The following ITGBL1 variants were observed in gnomAD, a reference collection of about 807,000 sequenced individuals.
The protein encoded by ITGBL1 is integrin subunit beta like 1.
ITGBL1 carries 51 observed loss-of-function variants against 68.5 expected under a neutral mutation model. That is an observed-to-expected ratio of 0.74 (90% CI 0.59 to 0.94). ITGBL1 has a LOEUF of 0.94. Ranked by LOEUF, ITGBL1 falls within the 40% of genes least tolerant of loss-of-function variation. The probability of loss-of-function intolerance (pLI) is 0.00; values close to 1 mark genes in which losing one functional copy is unlikely to be tolerated. For synonymous variants in ITGBL1, 209 were observed against 227.3 expected (o/e 0.92, Z 0.72); for missense variants, 649 against 647.4 (o/e 1.00, Z -0.03).
intron 9 of ITGBL1, chr13:101,713,177 C>T (rs2034555881): frequency 6.6e-6 from 1 of 152,102 alleles, no homozygotes; most frequent in African/African-American, 2.4e-5. Flanking sequence ...ATGCATATAC[C>T]AGTTTCCCTG....
intron 7 of ITGBL1, among the ~76,000 whole-genome samples, chr13:101,645,752 C>T (rs1382400655): frequency 6.6e-6 from 1 of 152,026 alleles, no homozygotes; most frequent in Non-Finnish European, 1.5e-5. Flanking sequence ...GGTTCATGCC[C>T]CGCAACTGCC....
intron 2 of ITGBL1, among the ~76,000 whole-genome samples, chr13:101,457,388 A>G (rs2048259035): frequency 6.6e-6 from 1 of 152,204 alleles, no homozygotes; most frequent in African/African-American, 2.4e-5. Flanking sequence ...TATTAGATAC[A>G]CTATGCCCTT....
downstream of ITGBL1, chr13:101,719,640 G>A (rs1348873159): frequency 6.6e-6 from 1 of 152,042 alleles, no homozygotes. Context: ...TTGAGGGACT[G>A]GCAAAGCAAT....
At chr13:101,462,699 C>T (rs893054441) in intron 2 of ITGBL1, among the ~76,000 whole-genome samples, 2 of 152,180 alleles carry the variant, frequency 1.3e-5, no homozygotes, top group Non-Finnish European at 2.9e-5. Context: ...ACTCCTGCCT[C>T]AGCCTCCTGA....
chr13:101,662,549 TG>T (rs1195108978), intron 7 of ITGBL1, among the ~76,000 whole-genome samples: 1 of 152,186 alleles, frequency 6.6e-6, no homozygotes, highest in African/African-American at 2.4e-5. Flanking sequence ...CACATACATT[TG>T]GTTGTTCTTA....
intron 7 of ITGBL1, among the ~76,000 whole-genome samples, chr13:101,599,292 T>A (rs2030200838): frequency 6.6e-6 from 1 of 152,030 alleles, no homozygotes; most frequent in South Asian, 2.1e-4. Flanking sequence ...TGTTTGTTTT[T>A]TTCTTGTAAA....
intron 2 of ITGBL1, among the ~76,000 whole-genome samples, chr13:101,518,175 C>T (rs1566712028): frequency 6.6e-6 from 1 of 152,132 alleles, no homozygotes; most frequent in African/African-American, 2.4e-5. Context: ...CCGATGTTTC[C>T]TCTTCTTTTT....
intron 2 of ITGBL1, among the ~76,000 whole-genome samples, chr13:101,486,460 A>G (rs7325543): frequency 0.24 from 36,472 of 151,948 alleles, 4,868 homozygotes; most frequent in East Asian, 0.48. Context: ...CCTGTTTCCC[A>G]AAACTATTGA....
At chr13:101,611,171 GCTCT>G (rs2031108435) in intron 7 of ITGBL1, among the ~76,000 whole-genome samples, 1 of 152,140 alleles carries the variant, frequency 6.6e-6, no homozygotes, top group Non-Finnish European at 1.5e-5. Flanking sequence ...TCTTTGCAGA[GCTCT>G]CTATGTCATA....
At chr13:101,545,649 CA>C (rs759379796) in intron 2 of ITGBL1, among the ~76,000 whole-genome samples, 4 of 151,960 alleles carry the variant, frequency 2.6e-5, no homozygotes, top group Non-Finnish European at 4.4e-5. Flanking sequence ...TTAGTGCATT[CA>C]AAAGATAAGG....
At position 101,715,960 on chromosome 13, in the gene ITGBL1, G is replaced by T; in HGVS notation, c.*306G>T. 3.2e-6 allele frequency: 1 copy of T among 311,636 alleles called. No homozygotes were observed. Among genetic ancestry groups the T allele is most frequent in the South Asian group, 3.3e-5 (1 of 30,002 alleles). The allele number at this position is 311,636 out of a possible 1,614,324, so 19.3% of individuals were successfully genotyped here. A position where few individuals can be genotyped will look rare whatever the true frequency, so the allele number is the denominator to read the frequency against. ...ACAATTTTGATTGTCACACTGGGTC[G>T]GGTAGGAAGGTATGCTGCAGACATT... On this transcript the variant is annotated 3_prime_UTR_variant, in exon 11 of 11. Transcript: ENST00000376180.
chr13:101,530,351 A>G (rs1049411668), intron 2 of ITGBL1, among the ~76,000 whole-genome samples: 2 of 152,174 alleles, frequency 1.3e-5, no homozygotes, highest in African/African-American at 4.8e-5. Context: ...GATGTCTACT[A>G]GTATCTTATA....
At chr13:101,718,039 GT>G (rs1214430372), downstream of ITGBL1, 1 of 152,074 alleles carries the variant, frequency 6.6e-6, no homozygotes, top group Non-Finnish European at 1.5e-5. Flanking sequence ...AGTTCAAAAT[GT>G]GATTCATCTA....
intron 2 of ITGBL1, among the ~76,000 whole-genome samples, chr13:101,512,873 G>C (rs1161574788): frequency 1.3e-5 from 2 of 152,110 alleles, no homozygotes. Context: ...GATTGCTTGG[G>C]TGTTTCCTGT....
intron 3 of ITGBL1, among the ~76,000 whole-genome samples, chr13:101,572,003 T>C (rs189706919): frequency 3.9e-5 from 6 of 152,284 alleles, no homozygotes; most frequent in Non-Finnish European, 5.9e-5. Context: ...TGGAGGTGTG[T>C]ATTCAAGGCA....
At chr13:101,643,280 G>A (rs113894062) in intron 7 of ITGBL1, among the ~76,000 whole-genome samples, 13,416 of 141,818 alleles carry the variant, frequency 0.095, 469 homozygotes, top group African/African-American at 0.2. Flanking sequence ...GGTCCTTCAC[G>A]TCCCTTGTAA....
At chr13:101,571,732 G>A (rs1364173067) in intron 3 of ITGBL1, among the ~76,000 whole-genome samples, 3 of 151,838 alleles carry the variant, frequency 2.0e-5, no homozygotes, top group Admixed American at 6.6e-5. Flanking sequence ...TTTTTTTCCT[G>A]TGCAAATGGT....
chr13:101,587,641 C>G (rs138423294), intron 6 of ITGBL1, among the ~76,000 whole-genome samples: 28 of 152,202 alleles, frequency 1.8e-4, no homozygotes, highest in African/African-American at 5.5e-4. Flanking sequence ...CTTTCCCTGC[C>G]TAAGAAAATT....
chr13:101,468,641 T>C (rs1250286053), intron 2 of ITGBL1, among the ~76,000 whole-genome samples: 3 of 152,212 alleles, frequency 2.0e-5, no homozygotes, highest in Non-Finnish European at 4.4e-5. Flanking sequence ...AGAAACTTTA[T>C]TTACATTTAA....
Sources: gnomAD v4.1 joint callset for allele counts (sites outside exome capture counted in the v4.1 genomes callset) on GRCh38, gnomAD v4.1.1 for gene constraint, MANE v1.5 for transcripts, NCBI Gene and HGNC (gene_info 2026-07-23, HGNC 2026-07-21) for gene names.